Variants in IGF2BP2 observed in about 807,000 individuals in gnomAD.
The protein encoded by IGF2BP2 is insulin like growth factor 2 mRNA binding protein 2.
In IGF2BP2, 17 loss-of-function variants were observed where a neutral mutation model predicts 75.8. That is an observed-to-expected ratio of 0.22 (90% CI 0.15 to 0.34). The LOEUF is 0.34. Ranked by LOEUF, IGF2BP2 falls within the 10% of genes least tolerant of loss-of-function variation. The pLI, the probability that IGF2BP2 is intolerant of heterozygous loss-of-function variation, is 1.00. For missense variants in IGF2BP2, 516 were observed against 772.4 expected (o/e 0.67, Z 3.93); for synonymous variants, 288 against 295.6 (o/e 0.97, Z 0.26).
In IGF2BP2 at chr3:185,689,647, G is replaced by T; in HGVS notation, c.405-20C>A. 6.2e-7 allele frequency: 1 copy of T among 1,613,908 alleles called. No individual in the cohort carries two copies. The highest frequency in any genetic ancestry group is 8.5e-7 in the Non-Finnish European group (1 of 1,179,850). On this transcript the variant is annotated intron_variant, in intron 5 of 15. Transcript: ENST00000382199. ...ATGGCTCTGAAATGCAGCAGGACAG[G>T]GGAGCTTCGTCAGAAACCAACATCA...
intron 2 of IGF2BP2, among the ~76,000 whole-genome samples, chr3:185,720,346 TAATTA>T (rs980089511): frequency 2.0e-5 from 3 of 152,286 alleles, no homozygotes; most frequent in African/African-American, 7.2e-5. Context: ...TTTAATTAAT[TAATTA>T]ATTTATTTTT....
Position 185,647,204 on chromosome 3 carries a change from C to T in IGF2BP2, c.1594-66G>A, listed in dbSNP as rs995477766. On this transcript the variant is annotated intron_variant, in intron 14 of 15. Transcript: ENST00000382199. The surrounding 1 kb of genome is among the most constrained non-coding windows in gnomAD (Gnocchi z 4.9). The stretch of plus-strand genomic sequence containing the variant: ...CCCCGTCAACGTGGTGGGCTCAGGA[C>T]GGAGTGAGGGGCCAAGAGGTGGAGC... The T allele has an allele frequency of 3.0e-5, 35 of 1,161,744 alleles. No individual in the cohort carries two copies. The highest frequency in any genetic ancestry group is 7.6e-5 in the African/African-American group (5 of 66,000). 72.0% of individuals were successfully genotyped at this position (1,161,744 alleles called of 1,614,324 possible). A position where few individuals can be genotyped will look rare whatever the true frequency, so the allele number is the denominator to read the frequency against.
intron 2 of IGF2BP2, among the ~76,000 whole-genome samples, chr3:185,769,496 A>T (rs1733574369): frequency 6.6e-6 from 1 of 152,146 alleles, no homozygotes; most frequent in African/African-American, 2.4e-5. Flanking sequence ...GCCACTCTTC[A>T]ATTTGCTCTC....
chr3:185,751,741 G>T (rs1056840143), intron 2 of IGF2BP2, among the ~76,000 whole-genome samples: 1 of 152,044 alleles, frequency 6.6e-6, no homozygotes, highest in Non-Finnish European at 1.5e-5. Context: ...GAGACGGGCG[G>T]ATCACGAGGT....
intron 15 of IGF2BP2, among the ~76,000 whole-genome samples, chr3:185,646,101 C>T (rs1459856632): frequency 6.6e-6 from 1 of 152,216 alleles, no homozygotes; most frequent in Non-Finnish European, 1.5e-5. Flanking sequence ...CCCAGCCTAG[C>T]ACTGTCCCTG....
chr3:185,710,918 T>C (rs1724706543), intron 2 of IGF2BP2, among the ~76,000 whole-genome samples: 1 of 151,256 alleles, frequency 6.6e-6, no homozygotes, highest in Admixed American at 6.6e-5. Flanking sequence ...TAGGATACAG[T>C]GAAAAACAAA....
chr3:185,814,568 G>C (rs533686050), intron 2 of IGF2BP2, among the ~76,000 whole-genome samples: 1 of 152,266 alleles, frequency 6.6e-6, no homozygotes, highest in South Asian at 2.1e-4. Context: ...AAAAGATATA[G>C]TAATAAAAAT....
At chr3:185,817,163 T>C (rs777321861) in intron 2 of IGF2BP2, among the ~76,000 whole-genome samples, 1 of 152,180 alleles carries the variant, frequency 6.6e-6, no homozygotes, top group Non-Finnish European at 1.5e-5. Context: ...GAAAATCCTA[T>C]CTGAATGTTC....
chr3:185,755,501 T>C (rs1731502879), intron 2 of IGF2BP2, among the ~76,000 whole-genome samples: 1 of 152,150 alleles, frequency 6.6e-6, no homozygotes, highest in African/African-American at 2.4e-5. Flanking sequence ...GACCTAAAAA[T>C]GGTAGAGCCA....
chr3:185,736,725 C>T (rs951240712), intron 2 of IGF2BP2, among the ~76,000 whole-genome samples: 6 of 152,232 alleles, frequency 3.9e-5, no homozygotes, highest in Non-Finnish European at 8.8e-5. Flanking sequence ...GAGCTCAACA[C>T]TTAGGGTTTC....
chr3:185,652,282 C>A, intron 12 of IGF2BP2, 114 bp from the exon 13 acceptor site: 1 of 832,812 alleles, frequency 1.2e-6, no homozygotes, highest in Middle Eastern at 2.7e-4. Flanking sequence ...TTGCTTCTGC[C>A]GTTACCCCTG....
chr3:185,677,026 G>GGAGATATATATATATAT (rs1560275693), intron 7 of IGF2BP2, among the ~76,000 whole-genome samples: 1 of 81,302 alleles, frequency 1.2e-5, no homozygotes, highest in Non-Finnish European at 2.3e-5. Context: ...TATGGAGAGA[G>GGAGATATATATATATAT]ATATATATAT....
At chr3:185,698,499 T>C in intron 2 of IGF2BP2, 152 bp from the exon 3 acceptor site, 1 of 701,112 alleles carries the variant, frequency 1.4e-6, no homozygotes, top group Non-Finnish European at 2.4e-6. Flanking sequence ...ATCATGAGCA[T>C]AGTTTTTTTG....
At chr3:185,684,096 G>GA (rs1720771771) in intron 7 of IGF2BP2, among the ~76,000 whole-genome samples, 1 of 152,202 alleles carries the variant, frequency 6.6e-6, no homozygotes, top group South Asian at 2.1e-4. Context: ...AGCTGCATTA[G>GA]AATGTAACTT....
chr3:185,667,078 T>C (rs771968084), intron 10 of IGF2BP2, among the ~76,000 whole-genome samples: 3 of 152,192 alleles, frequency 2.0e-5, no homozygotes, highest in African/African-American at 7.2e-5. Context: ...CGGAAGGGAA[T>C]AGAGGCCAGA....
intron 2 of IGF2BP2, among the ~76,000 whole-genome samples, chr3:185,741,465 T>C (rs73175570): frequency 0.016 from 2,447 of 152,302 alleles, 38 homozygotes; most frequent in Non-Finnish European, 0.024. Flanking sequence ...ATGGGCTAAT[T>C]TGACCAATAG....
chr3:185,777,647 A>G (rs1734690604), intron 2 of IGF2BP2, among the ~76,000 whole-genome samples: 1 of 152,262 alleles, frequency 6.6e-6, no homozygotes, highest in Admixed American at 6.5e-5. Context: ...TCAGTGAATC[A>G]GTGAGTGATG....
chr3:185,797,506 A>G (rs1737584148), intron 2 of IGF2BP2, among the ~76,000 whole-genome samples: 1 of 152,258 alleles, frequency 6.6e-6, no homozygotes. Context: ...TTTTCAGTTA[A>G]GAGCAGAGTT....
In IGF2BP2 at chr3:185,647,285, G is replaced by A. The variant is rs927512821; in HGVS notation, c.1594-147C>T. ...CCTTTCCTTTTATCAAGGACACCCC[G>A]GGGGCTCCTCTGCCCCTGAGCACAT... On this transcript the variant is annotated intron_variant, in intron 14 of 15. Coordinates refer to ENST00000382199, the MANE Select transcript of IGF2BP2 (RefSeq NM_006548.6). The surrounding 1 kb of genome is among the most constrained non-coding windows in gnomAD (Gnocchi z 4.9). 9 of 656,296 alleles carry A rather than the reference G, an allele frequency of 1.4e-5. No homozygotes were observed. Among genetic ancestry groups the A allele is most frequent in the Middle Eastern group, 2.5e-4 (1 of 4,044 alleles). 40.7% of individuals were successfully genotyped at this position (656,296 alleles called of 1,614,324 possible). A position where few individuals can be genotyped will look rare whatever the true frequency, so the allele number is the denominator to read the frequency against.
Sources: allele counts gnomAD v4.1 joint callset (sites outside exome capture counted in the v4.1 genomes callset), GRCh38; gene constraint gnomAD v4.1.1; non-coding constraint Gnocchi (gnomAD v3.1); transcripts MANE v1.5; gene names NCBI Gene and HGNC (gene_info 2026-07-23, HGNC 2026-07-21).